The following ARHGAP39 variants were observed in gnomAD, a reference collection of about 807,000 sequenced individuals.
ARHGAP39 encodes rho GTPase-activating protein 39.
A neutral mutation model predicts 106.9 loss-of-function variants in ARHGAP39; 44 were observed. That is an observed-to-expected ratio of 0.41 (90% CI 0.32 to 0.53). The LOEUF (loss-of-function observed/expected upper bound fraction) is 0.53, where lower values mean the gene tolerates loss of function less well. Among genes scored for constraint, ARHGAP39 ranks in the 20% least tolerant of loss-of-function variants. ARHGAP39 has a pLI of 0.21. For synonymous variants in ARHGAP39, 768 were observed against 693.2 expected, an observed-to-expected ratio of 1.11 and a Z score of -1.69; for missense variants, 1,496 against 1,577.3, an observed-to-expected ratio of 0.95 and a Z score of 0.87.
chr8:144,690,998 C>G, the ARHGAP39 span, among the ~76,000 whole-genome samples: 1 of 152,104 alleles, frequency 6.6e-6, no homozygotes, highest in African/African-American at 2.4e-5. Flanking sequence ...GGGCTGGGCG[C>G]TTTGGGGCTC....
chr8:144,573,230 G>A (rs1156548151), intron 3 of ARHGAP39, among the ~76,000 whole-genome samples: 2 of 152,154 alleles, frequency 1.3e-5, no homozygotes, highest in Non-Finnish European at 2.9e-5. Context: ...ATGATAGACT[G>A]GATTAAGAAA....
At chr8:144,691,873 G>A in the ARHGAP39 span, among the ~76,000 whole-genome samples, 1 of 151,912 alleles carries the variant, frequency 6.6e-6, no homozygotes, top group Admixed American at 6.6e-5. Context: ...TGGCGGGGAG[G>A]GGACAAGAAG....
At chr8:144,584,402 G>A (rs1225314174) in intron 2 of ARHGAP39, among the ~76,000 whole-genome samples, 1 of 152,076 alleles carries the variant, frequency 6.6e-6, no homozygotes, top group Non-Finnish European at 1.5e-5. Flanking sequence ...TGGATAGAAA[G>A]GGATCTTAGG....
At chr8:144,605,861 C>T in intron 1 of ARHGAP39, 166 bp from the exon 2 acceptor site, 1 of 549,734 alleles carries the variant, frequency 1.8e-6, no homozygotes, top group Non-Finnish European at 3.3e-6. Context: ...GCTCCTGATG[C>T]CTGGCCCTGC....
chr8:144,635,746 C>T (rs1020615009), intron 1 of ARHGAP39, among the ~76,000 whole-genome samples: 12 of 149,534 alleles, frequency 8.0e-5, no homozygotes, highest in Non-Finnish European at 1.3e-4. Flanking sequence ...CTGAGGCTAC[C>T]GCCAGGTAGA....
chr8:144,543,818 G>C (rs1025453191), intron 6 of ARHGAP39: 1 of 138,922 alleles, frequency 7.2e-6, no homozygotes, highest in African/African-American at 3.4e-5. Flanking sequence ...GCTGGCCCAA[G>C]ATGGGCCCAA....
At chr8:144,664,226 C>T (rs1220390566) in intron 1 of ARHGAP39, among the ~76,000 whole-genome samples, 1 of 152,152 alleles carries the variant, frequency 6.6e-6, no homozygotes, top group Non-Finnish European at 1.5e-5. Context: ...TTCCAACAGC[C>T]TATCCCCTCC....
At chr8:144,535,764 G>T (rs1291861365) in intron 7 of ARHGAP39, among the ~76,000 whole-genome samples, 3 of 152,146 alleles carry the variant, frequency 2.0e-5, no homozygotes, top group Non-Finnish European at 4.4e-5. Flanking sequence ...TCTGTGACTG[G>T]GATACACTGG....
At chr8:144,638,667 CCTG>C (rs1212789770) in intron 1 of ARHGAP39, among the ~76,000 whole-genome samples, 1 of 152,144 alleles carries the variant, frequency 6.6e-6, no homozygotes, top group African/African-American at 2.4e-5. Flanking sequence ...CCTGATCACT[CCTG>C]CTGATCTCTT....
chr8:144,579,201 CAAA>C lies in ARHGAP39; in HGVS notation c.512+1642_512+1644del, dbSNP rs541332282. 9.6e-3 allele frequency among the ~76,000 whole-genome samples: 381 copies of C among 39,806 alleles called. 1 individual carries two copies. Among genetic ancestry groups the C allele is most frequent in the African/African-American group, 0.03 (353 of 11,812 alleles). The allele number at this position is 39,806 out of a possible 152,430, so 26.1% of individuals were successfully genotyped here. ...TGGGCGACAGAGCGAGACTCTGTCT[CAAA>C]AAAAAAAAAAAAAAAAAAAAAGAAA... is the stretch of plus-strand genomic sequence containing the variant. On this transcript the variant is annotated intron_variant, in intron 3 of 11. Coordinates refer to ENST00000377307, the MANE Select transcript of ARHGAP39 (RefSeq NM_025251.3).
At chr8:144,606,408 T>C (rs1289554361) in intron 1 of ARHGAP39, among the ~76,000 whole-genome samples, 1 of 152,258 alleles carries the variant, frequency 6.6e-6, no homozygotes, top group Non-Finnish European at 1.5e-5. Flanking sequence ...TGAAGATCTT[T>C]AGGATGATCC....
chr8:144,616,537 A>T (rs1327129825), intron 1 of ARHGAP39, among the ~76,000 whole-genome samples: 2 of 152,188 alleles, frequency 1.3e-5, no homozygotes, highest in African/African-American at 4.8e-5. Context: ...GACCCCCTCC[A>T]AGCTGAGCCC....
intron 1 of ARHGAP39, among the ~76,000 whole-genome samples, chr8:144,683,953 G>C (rs1224355541): frequency 6.6e-6 from 1 of 152,148 alleles, no homozygotes; most frequent in East Asian, 1.9e-4. Flanking sequence ...TGTTTCACAA[G>C]TCTTAATTTA....
chr8:144,552,612 G>C (rs1450754602), intron 4 of ARHGAP39, among the ~76,000 whole-genome samples: 1 of 152,142 alleles, frequency 6.6e-6, no homozygotes, highest in Non-Finnish European at 1.5e-5. Flanking sequence ...CGACCCCACT[G>C]CTATCCCTGC....
At chr8:144,574,714 T>C (rs116647063) in intron 3 of ARHGAP39, among the ~76,000 whole-genome samples, 2,638 of 152,164 alleles carry the variant, frequency 0.017, 88 homozygotes, top group African/African-American at 0.061. Flanking sequence ...AAAAAATTAG[T>C]TTGGTGTGGT....
intron 1 of ARHGAP39, among the ~76,000 whole-genome samples, chr8:144,666,186 T>C (rs1310558184): frequency 4.6e-5 from 7 of 152,180 alleles, no homozygotes; most frequent in African/African-American, 1.7e-4. Flanking sequence ...ATTTCTCCCA[T>C]TTGGAACTGC....
intron 1 of ARHGAP39, among the ~76,000 whole-genome samples, chr8:144,629,574 A>T (rs913441579): frequency 2.6e-5 from 4 of 152,248 alleles, no homozygotes; most frequent in Admixed American, 2.6e-4. Context: ...CTTTGGAGAC[A>T]AACCTGAAAG....
chr8:144,624,217 C>T (rs1328982617), intron 1 of ARHGAP39, among the ~76,000 whole-genome samples: 2 of 152,278 alleles, frequency 1.3e-5, no homozygotes, highest in South Asian at 2.1e-4. Context: ...GTGACTTGGC[C>T]GTGCCGACAG....
At chr8:144,539,128 G>A (rs1817085873) in intron 6 of ARHGAP39, among the ~76,000 whole-genome samples, 1 of 152,142 alleles carries the variant, frequency 6.6e-6, no homozygotes, top group African/African-American at 2.4e-5. Flanking sequence ...ACCAAGATCT[G>A]GGTGTGCGAT....
Sources: allele counts gnomAD v4.1 joint callset (sites outside exome capture counted in the v4.1 genomes callset), GRCh38; gene constraint gnomAD v4.1.1; transcripts MANE v1.5; gene names NCBI Gene and HGNC (gene_info 2026-07-23, HGNC 2026-07-21).